The following DMXL1 variants were observed in gnomAD, a reference collection of about 807,000 sequenced individuals.
The protein encoded by DMXL1 is Dmx like 1.
In DMXL1, 99 loss-of-function variants were observed where a neutral mutation model predicts 319.2. That is an observed-to-expected ratio of 0.31 (90% CI 0.26 to 0.37). DMXL1 has a LOEUF of 0.37. Ranked by LOEUF, DMXL1 falls within the 10% of genes least tolerant of loss-of-function variation. The pLI, the probability that DMXL1 is intolerant of heterozygous loss-of-function variation, is 1.00. For missense variants in DMXL1, 3,745 were observed against 3,595.6 expected (o/e 1.04, Z -1.06); for synonymous variants, 1,385 against 1,235.2 (o/e 1.12, Z -2.54).
intron 1 of DMXL1, among the ~76,000 whole-genome samples, chr5:119,082,966 C>G (rs918787897): frequency 6.6e-6 from 1 of 152,150 alleles, no homozygotes; most frequent in Non-Finnish European, 1.5e-5. Flanking sequence ...ATATATTTGT[C>G]TTTCTGAGCT....
rs370839757 is a variant in DMXL1 at position 119,119,083 on chromosome 5, A to T, written c.933+79A>T. On this transcript the variant is annotated intron_variant, in intron 8 of 43. Transcript: ENST00000539542. ...GCCTTTTTGGTAACACAGTAATGTT[A>T]TAAAAAAACTATATCCTAGGAAAAT... The T allele has an allele frequency of 7.2e-5, 65 of 907,498 alleles. No individual in the cohort carries two copies. The South Asian group carries it at 1.0e-3, about 15-fold the overall frequency. 56.2% of individuals were successfully genotyped at this position (907,498 alleles called of 1,614,324 possible). A position where few individuals can be genotyped will look rare whatever the true frequency, so the allele number is the denominator to read the frequency against.
At chr5:119,125,856 G>A (rs1044161937) in intron 9 of DMXL1, among the ~76,000 whole-genome samples, 8 of 152,048 alleles carry the variant, frequency 5.3e-5, no homozygotes, top group Non-Finnish European at 1.2e-4. Flanking sequence ...GAGCCACCGC[G>A]CCTGGCCAAT....
chr5:119,177,145 G>C (rs1775956730), intron 26 of DMXL1, among the ~76,000 whole-genome samples: 1 of 151,872 alleles, frequency 6.6e-6, no homozygotes, highest in Non-Finnish European at 1.5e-5. Context: ...TACTTATTCT[G>C]TCCCTTAAAA....
At position 119,218,723 on chromosome 5, in the gene DMXL1, TGCTGGGATTACA is replaced by T. The variant is rs1215541551; in HGVS notation, c.8013+1738_8014-1736del. Among the ~76,000 whole-genome samples, 10 of 152,352 alleles carry T rather than the reference TGCTGGGATTACA, an allele frequency of 6.6e-5. No homozygotes were observed. The East Asian group carries it at 1.9e-3, about 29-fold the overall frequency. ...ATCCGCCTGCCTCGGCCTCCCAAAG[TGCTGGGATTACA>T]GGCGTGAGCCACTGCACCCAGCTGA... On this transcript the variant is annotated intron_variant, in intron 35 of 43. Transcript: ENST00000539542.
chr5:119,176,918 A>T (rs1742258200), intron 26 of DMXL1, among the ~76,000 whole-genome samples: 1 of 152,056 alleles, frequency 6.6e-6, no homozygotes, highest in Non-Finnish European at 1.5e-5. Context: ...TGATAACATT[A>T]TTTGTGTTTT....
intron 7 of DMXL1, among the ~76,000 whole-genome samples, chr5:119,116,647 C>T (rs1001645095): frequency 6.6e-6 from 1 of 152,090 alleles, no homozygotes; most frequent in Non-Finnish European, 1.5e-5. Flanking sequence ...TCTATTTTCT[C>T]CAGATTGTTG....
intron 17 of DMXL1, among the ~76,000 whole-genome samples, chr5:119,147,812 T>C (rs1462403869): frequency 6.6e-6 from 1 of 152,196 alleles, no homozygotes; most frequent in Middle Eastern, 3.2e-3. Flanking sequence ...GCCATGATTC[T>C]GATTGTGTGG....
chr5:119,222,303 C>T (rs1451068150), intron 37 of DMXL1, among the ~76,000 whole-genome samples: 1 of 152,122 alleles, frequency 6.6e-6, no homozygotes, highest in Non-Finnish European at 1.5e-5. Flanking sequence ...GTTTTAAAGC[C>T]CTCTGTTCTC....
At chr5:119,152,543 A>G (rs77144547) in intron 19 of DMXL1, among the ~76,000 whole-genome samples, 4,212 of 152,288 alleles carry the variant, frequency 0.028, 177 homozygotes, top group African/African-American at 0.096. Flanking sequence ...CATGTATTCT[A>G]TATTTAGTGC....
intron 19 of DMXL1, among the ~76,000 whole-genome samples, chr5:119,163,193 A>C (rs953329277): frequency 2.6e-5 from 4 of 152,186 alleles, no homozygotes; most frequent in African/African-American, 9.7e-5. Flanking sequence ...TATATTATTT[A>C]ATTATCAAAA....
intron 29 of DMXL1, among the ~76,000 whole-genome samples, chr5:119,191,359 G>T (rs796487451): frequency 1.4e-4 from 21 of 152,332 alleles, no homozygotes; most frequent in African/African-American, 5.1e-4. Flanking sequence ...CAGGCCTGCT[G>T]AGCTATGGCT....
rs1211749117 is a variant in DMXL1, at chr5:119,147,327, T to C, written c.2768T>C (p.Leu923Pro). Reference protein sequence around the residue: ...EHYSSSPEKILSPFSQKYQAC... With the variant: ...EHYSSSPEKIPSPFSQKYQAC... ...TATTCTTCTTCTCCAGAGAAGATCC[T>C]ATCTCCTTTTTCACAAAAGTATCAG... Residue 923 changes from leucine (L) to proline (P), a missense_variant, in exon 17 of 44, where the codon CTA (leucine) becomes CCA (proline). Physicochemically the swap from Leu to Pro is moderately conservative, Grantham distance 98. Around this residue, in one of 4 missense-constraint regions of DMXL1, gnomAD observed 2,096 missense variants for 1,985.4 expected, o/e 1.06. Transcript: ENST00000539542. The C allele has an allele frequency of 6.2e-7, 1 of 1,613,528 alleles. No individual in the cohort carries two copies. Among genetic ancestry groups the C allele is most frequent in the Non-Finnish European group, 8.5e-7 (1 of 1,179,628 alleles).
At chr5:119,114,118 A>G (rs1404680074) in intron 5 of DMXL1, among the ~76,000 whole-genome samples, 1 of 152,202 alleles carries the variant, frequency 6.6e-6, no homozygotes, top group African/African-American at 2.4e-5. Context: ...AACTTATTAT[A>G]TATTATCCAT....
intron 19 of DMXL1, among the ~76,000 whole-genome samples, chr5:119,159,923 C>T (rs868394091): frequency 2.6e-5 from 4 of 152,216 alleles, no homozygotes; most frequent in Non-Finnish European, 1.5e-5. Flanking sequence ...TGCGCCTAGC[C>T]TTTCTTTTTC....
At chr5:119,075,901 T>G (rs1292176633) in intron 1 of DMXL1, among the ~76,000 whole-genome samples, 1 of 152,182 alleles carries the variant, frequency 6.6e-6, no homozygotes, top group Non-Finnish European at 1.5e-5. Context: ...GTATTCTGTT[T>G]ATAAAAGGCA....
At position 119,170,897 on chromosome 5, in the gene DMXL1, A is replaced by G. The variant is rs1400363755; in HGVS notation, c.6106A>G (p.Ile2036Val). 1 of 1,613,224 alleles carries G rather than the reference A, an allele frequency of 6.2e-7. No homozygotes were observed. The highest frequency in any genetic ancestry group is 1.1e-5 in the South Asian group (1 of 90,972). The change falls in exon 24 of 44, where the codon ATT becomes GTT. Residue 2036 changes from isoleucine (I) to valine (V), a missense_variant. This residue lies in a region of DMXL1 where 1,382 missense variants were observed against 1,269.5 expected (regional missense o/e 1.09). Coordinates refer to ENST00000539542, the MANE Select transcript of DMXL1 (RefSeq NM_001290321.3). ...VQLKFRACLK[I>V]LTVELRTLST... is the part of the protein sequence containing the mutation. ...GTTAAAATTTAGAGCATGTTTAAAG[A>G]TTCTCACAGTAGAACTTCGTACTTT... is the stretch of plus-strand genomic sequence containing the variant.
intron 21 of DMXL1, among the ~76,000 whole-genome samples, chr5:119,165,629 G>A (rs554346873): frequency 5.2e-4 from 79 of 152,304 alleles, no homozygotes; most frequent in Non-Finnish European, 9.7e-4. Context: ...AAAGAAAGAG[G>A]TTTATTGGAC....
At chr5:119,123,046 A>T (rs1337419682) in intron 9 of DMXL1, among the ~76,000 whole-genome samples, 1 of 152,190 alleles carries the variant, frequency 6.6e-6, no homozygotes, top group African/African-American at 2.4e-5. Flanking sequence ...CTCCATCTGC[A>T]GTCCCGGCAC....
rs928099564 is a variant in DMXL1 at position 119,071,164 on chromosome 5, T to G, written c.-406T>G. ...GGGAAGGGACAGGTCAGGCGGGGAG[T>G]GCGAGCGCGTACTGCTTGCGCCACT... On this transcript the variant is annotated 5_prime_UTR_variant, in exon 1 of 44. Transcript: ENST00000539542. 2 of 217,506 alleles carry G rather than the reference T, an allele frequency of 9.2e-6. No individual in the cohort carries two copies. The highest frequency in any genetic ancestry group is 1.9e-5 in the Non-Finnish European group (2 of 107,244). The allele number at this position is 217,506 out of a possible 1,614,324, so 13.5% of individuals were successfully genotyped here.
Sources: gnomAD v4.1 joint callset for allele counts (sites outside exome capture counted in the v4.1 genomes callset) on GRCh38, gnomAD v4.1.1 for gene constraint, gnomAD v4.1.1 regional missense constraint, MANE v1.5 for transcripts, NCBI Gene and HGNC (gene_info 2026-07-23, HGNC 2026-07-21) for gene names.